RBM5: variants seen among roughly 807,000 people sequenced by gnomAD.
The protein encoded by RBM5 is RNA binding motif protein 5.
Under a neutral mutation model 124.6 loss-of-function variants are expected in RBM5, and 15 were observed. The ratio of observed to expected loss-of-function variants is 0.12; its 90% CI spans 0.08 to 0.19. The LOEUF (loss-of-function observed/expected upper bound fraction) is 0.19. RBM5 is among the 10% of genes least tolerant of loss of function. The pLI is 1.00. For missense variants in RBM5, 580 were observed against 1,026.5 expected (o/e 0.57, Z 5.94); for synonymous variants, 337 against 361.2 (o/e 0.93, Z 0.76).
chr3:50,111,637 G>A lies in RBM5; in HGVS notation c.1455+867G>A, dbSNP rs115033693. ...TGATCCACCCGCCTCAGCCTCCAAA[G>A]TGCCAGGATTACAGGCATGAGCCAC... On this transcript the variant is annotated intron_variant, in intron 17 of 24. Coordinates refer to ENST00000347869, the MANE Select transcript of RBM5 (RefSeq NM_005778.4). Among the ~76,000 whole-genome samples, 396 of 152,232 alleles carry A rather than the reference G, an allele frequency of 2.6e-3. 1 individual carries two copies. Among genetic ancestry groups the A allele is most frequent in the African/African-American group, 9.3e-3 (386 of 41,544 alleles).
intron 1 of RBM5, among the ~76,000 whole-genome samples, chr3:50,089,474 AGGGCAGG>A (rs2090662103): frequency 6.6e-6 from 1 of 152,116 alleles, no homozygotes; most frequent in Non-Finnish European, 1.5e-5. Flanking sequence ...ATGTGCGGGG[AGGGCAGG>A]CCGGACGCTG....
In RBM5 at chr3:50,100,279, C is replaced by T. The variant is rs2090913382; in HGVS notation, c.409+228C>T. The T allele has an allele frequency of 5.4e-6, 3 of 556,952 alleles. No homozygotes were observed. The highest frequency in any genetic ancestry group is 7.1e-5 in the Admixed American group (2 of 28,344). The allele number at this position is 556,952 out of a possible 1,614,324, so 34.5% of individuals were successfully genotyped here. A position where few individuals can be genotyped will look rare whatever the true frequency, so the allele number is the denominator to read the frequency against. ...TTAGGTAAGTAATGATTTATAAACT[C>T]CTTTTTTTTTTTGACTATAGTCGGT... On this transcript the variant is annotated intron_variant, in intron 5 of 24. Transcript: ENST00000347869. The surrounding 1 kb of genome is among the most constrained non-coding windows in gnomAD (Gnocchi z 5.1).
intron 7 of RBM5, 109 bp from the exon 8 acceptor site, chr3:50,104,137 CTT>C (rs2090991893): frequency 2.4e-6 from 2 of 849,750 alleles, no homozygotes; most frequent in Non-Finnish European, 3.9e-6. Context: ...CTACGTGAGA[CTT>C]TCTGCTTTTC....
Position 50,109,627 on chromosome 3 carries a change from C to T in RBM5, c.1217C>T (p.Ala406Val), listed in dbSNP as rs147593355. Residue 406 changes from alanine (A) to valine (V), a missense_variant, in exon 15 of 25, where the codon GCG (alanine) becomes GTG (valine). Coordinates refer to ENST00000347869, the MANE Select transcript of RBM5 (RefSeq NM_005778.4). ...ASGTAVTTTSAAVVSQSPQLY... is the reference protein window; with the variant it reads ...ASGTAVTTTSVAVVSQSPQLY... ...GGCACAGCAGTGACCACCACCTCAG[C>T]GGCTGTAGTGTCCCAGAGTCCTCAG... The T allele has an allele frequency of 2.7e-5, 43 of 1,613,946 alleles. No homozygotes were observed. Among genetic ancestry groups the T allele is most frequent in the Non-Finnish European group, 3.3e-5 (39 of 1,179,960 alleles).
chr3:50,095,368 A>G (rs1178063145), intron 4 of RBM5, among the ~76,000 whole-genome samples: 1 of 152,158 alleles, frequency 6.6e-6, no homozygotes, highest in African/African-American at 2.4e-5. Context: ...ATGATTGGTA[A>G]ATACCTAATT....
chr3:50,103,108 A>G lies in RBM5; in HGVS notation c.509A>G (p.His170Arg). 1 of 1,612,014 alleles carries G rather than the reference A, an allele frequency of 6.2e-7. No homozygotes were observed. Among genetic ancestry groups the G allele is most frequent in the Non-Finnish European group, 8.5e-7 (1 of 1,178,052 alleles). ...AAAAAGTTGGTGATTCAAGGAAAGC[A>G]CATTGCAATGCATTATAGCAATCCC... The part of the protein sequence containing the change: ...NQKKLVIQGK[H>R]IAMHYSNPRP... The change falls in exon 7 of 25, where the codon CAC (histidine) becomes CGC (arginine). Residue 170 changes from histidine (H) to arginine (R), a missense_variant. By Grantham distance (29) the His-to-Arg change is conservative. Coordinates refer to ENST00000347869, the MANE Select transcript of RBM5 (RefSeq NM_005778.4).
intron 4 of RBM5, among the ~76,000 whole-genome samples, chr3:50,098,468 G>A (rs1345343453): frequency 1.3e-5 from 2 of 151,226 alleles, no homozygotes; most frequent in Admixed American, 6.6e-5. Flanking sequence ...TTTTTGAGAC[G>A]GAGTCTCACT....
intron 4 of RBM5, among the ~76,000 whole-genome samples, chr3:50,097,229 A>G (rs1435273512): frequency 6.6e-6 from 1 of 152,078 alleles, no homozygotes; most frequent in Non-Finnish European, 1.5e-5. Flanking sequence ...CCCTGTCTCT[A>G]CTAAAACTAC....
chr3:50,094,967 G>A (rs1425135317), intron 4 of RBM5, among the ~76,000 whole-genome samples: 1 of 152,150 alleles, frequency 6.6e-6, no homozygotes, highest in Non-Finnish European at 1.5e-5. Flanking sequence ...GGAGGTCGAG[G>A]CGGGTGGATC....
In RBM5 at chr3:50,114,174, T is replaced by A; in HGVS notation, c.1768-6T>A. On this transcript the variant is annotated splice_polypyrimidine_tract_variant and splice_region_variant and intron_variant, in intron 19 of 24. Coordinates refer to ENST00000347869, the MANE Select transcript of RBM5 (RefSeq NM_005778.4). ...TGAGTCTCATGGCTTGTCCTCTGTT[T>A]CCCAGGGAGCCTTAGCTGAAAGGCA... 6.2e-7 allele frequency: 1 copy of A among 1,614,028 alleles called. No homozygotes were observed. Among genetic ancestry groups the A allele is most frequent in the Non-Finnish European group, 8.5e-7 (1 of 1,179,980 alleles).
At chr3:50,109,579 C>T in intron 14 of RBM5, 24 bp from the exon 15 acceptor site, 1 of 1,605,322 alleles carries the variant, frequency 6.2e-7, no homozygotes, top group Non-Finnish European at 8.5e-7. Context: ...CTTGGCTTTC[C>T]CTAACACTTG....
chr3:50,090,381 G>GAA lies in RBM5; in HGVS notation c.-49_-48dup. ...AGCAATTAATCTCTCTTGTCTCCTAGAAAAAATAAAATTTGAACCTTTTGG... is the reference window on the plus strand; with the variant it reads ...AGCAATTAATCTCTCTTGTCTCCTAGAAAAAAAATAAAATTTGAACCTTTTGG... On this transcript the variant is annotated splice_region_variant and 5_prime_UTR_variant. Transcript: ENST00000347869. The GAA allele has an allele frequency of 6.2e-7, 1 of 1,607,604 alleles. No individual in the cohort carries two copies. The highest frequency in any genetic ancestry group is 8.5e-7 in the Non-Finnish European group (1 of 1,175,458).
rs997095159 is a variant in RBM5, at chr3:50,088,966, C to T, written c.-117C>T. 6 of 152,298 alleles carry T rather than the reference C, an allele frequency of 3.9e-5. No individual in the cohort carries two copies. The highest frequency in any genetic ancestry group is 2.0e-4 in the Admixed American group (3 of 15,282). The allele number at this position is 152,298 out of a possible 1,614,324, so 9.4% of individuals were successfully genotyped here. ...CGGCGGAGGCGCCATTTTGTGTAGC[C>T]GCCGAACCTTGTTGGAGGTTCTGGG... On this transcript the variant is annotated 5_prime_UTR_variant, in exon 1 of 25. Transcript: ENST00000347869.
At position 50,090,275 on chromosome 3, in the gene RBM5, G is replaced by A. The variant is rs1267470829; in HGVS notation, c.-53-107G>A. The A allele has an allele frequency of 1.3e-5, 9 of 680,144 alleles. No homozygotes were observed. The East Asian group carries it at 2.3e-4, about 17-fold the overall frequency. The allele number at this position is 680,144 out of a possible 1,614,324, so 42.1% of individuals were successfully genotyped here. On this transcript the variant is annotated intron_variant, in intron 1 of 24. Coordinates refer to ENST00000347869, the MANE Select transcript of RBM5 (RefSeq NM_005778.4). ...CCCACCTTAGATAATCACTGTCAAT[G>A]ATTTGAAGGTTTGATGAAATCCCAG...
chr3:50,115,813 G>A, intron 21 of RBM5, 93 bp from the exon 22 acceptor site: 1 of 1,311,958 alleles, frequency 7.6e-7, no homozygotes. Flanking sequence ...TTTGGGCTTT[G>A]GCTCTTAAAG....
chr3:50,090,426 A>G lies in RBM5; in HGVS notation c.-9A>G. 1 of 1,614,048 alleles carries G rather than the reference A, an allele frequency of 6.2e-7. No homozygotes were observed. The highest frequency in any genetic ancestry group is 8.5e-7 in the Non-Finnish European group (1 of 1,179,966). On this transcript the variant is annotated 5_prime_UTR_variant, in exon 2 of 25. Coordinates refer to ENST00000347869, the MANE Select transcript of RBM5 (RefSeq NM_005778.4). ...TTTTGGAGCTGTGTGCTAAATCTTC[A>G]GTGGGACAATGGGTTCAGACAAAAG...
chr3:50,093,608 G>C, intron 3 of RBM5, 112 bp from the exon 4 acceptor site: 1 of 1,200,766 alleles, frequency 8.3e-7, no homozygotes. Flanking sequence ...TTACCATGGA[G>C]TGCTTGTGTA....
intron 3 of RBM5, among the ~76,000 whole-genome samples, chr3:50,093,463 C>T (rs899281275): frequency 1.3e-5 from 2 of 148,174 alleles, no homozygotes; most frequent in African/African-American, 5.0e-5. Context: ...AAAGAAAACA[C>T]AGCAGGCTGG....
rs779022910 is a variant in RBM5, at chr3:50,114,078, C to G, written c.1746C>G (p.Gly582=). Residue 582 remains glycine (G), a synonymous_variant, in exon 19 of 25, where the codon GGC becomes GGG. Transcript: ENST00000347869. ...GAGAATCTGCTGCAGCAGACGCTGG[C>G]TTTGCTCTCTTTGAGAAGAAGGTAA... ...ERRESAAADA[G]FALFEKKGAL... 1.2e-6 allele frequency: 2 copies of G among 1,614,190 alleles called. No homozygotes were observed. The highest frequency in any genetic ancestry group is 2.2e-5 in the East Asian group (1 of 44,888).
Sources: allele counts gnomAD v4.1 joint callset (sites outside exome capture counted in the v4.1 genomes callset), GRCh38; gene constraint gnomAD v4.1.1; non-coding constraint Gnocchi (gnomAD v3.1); transcripts MANE v1.5; gene names NCBI Gene and HGNC (gene_info 2026-07-23, HGNC 2026-07-21).